ABAT: variants seen among roughly 807,000 people sequenced by gnomAD.
ABAT encodes the protein 4-aminobutyrate aminotransferase.
In ABAT, 45 loss-of-function variants were observed where a neutral mutation model predicts 64.6. That is an observed-to-expected ratio of 0.70 (90% CI 0.55 to 0.89). The LOEUF (loss-of-function observed/expected upper bound fraction) is 0.89, where lower values mean the gene tolerates loss of function less well. Among genes scored for constraint, ABAT ranks in the 40% least tolerant of loss-of-function variants. The pLI is 0.00. For synonymous variants in ABAT, 297 were observed against 250.5 expected, an observed-to-expected ratio of 1.19 and a Z score of -1.75; for missense variants, 633 against 658.4, an observed-to-expected ratio of 0.96 and a Z score of 0.42.
At chr16:8,683,509 C>T (rs552572271) in intron 1 of ABAT, 66 of 150,172 alleles carry the variant, frequency 4.4e-4, no homozygotes, top group African/African-American at 1.5e-3. Flanking sequence ...CTGTAAATAG[C>T]TACTGCACTC....
At chr16:8,773,149 T>C (rs1273419) in intron 12 of ABAT, among the ~76,000 whole-genome samples, 38,526 of 100,548 alleles carry the variant, frequency 0.38, 6,423 homozygotes, top group Non-Finnish European at 0.47. Context: ...CACACACACA[T>C]ATATATATAT....
At chr16:8,777,406 G>C (rs187063223) in intron 14 of ABAT, among the ~76,000 whole-genome samples, 5 of 152,164 alleles carry the variant, frequency 3.3e-5, no homozygotes, top group Admixed American at 3.3e-4. Context: ...AATGGCTCCT[G>C]GAGCTCCAGC....
intron 1 of ABAT, among the ~76,000 whole-genome samples, chr16:8,732,664 C>T (rs974259699): frequency 6.6e-6 from 1 of 151,576 alleles, no homozygotes; most frequent in African/African-American, 2.4e-5. Context: ...TCAATCTTTT[C>T]CCCACCTTTC....
Position 8,781,271 on chromosome 16 carries a change from A to G in ABAT, c.1382-38A>G. ...CCAGCTCTCCCAGCATGTGACTTTG[A>G]GAAACCACGCTCCTCACCTACCTCC... On this transcript the variant is annotated intron_variant, in intron 15 of 15. Coordinates refer to ENST00000268251, the MANE Select transcript of ABAT (RefSeq NM_020686.6). This position sits in a 1 kb window ranked among gnomAD's most constrained non-coding sequence, Gnocchi z 4.5. 1 of 1,613,534 alleles carries G rather than the reference A, an allele frequency of 6.2e-7. No homozygotes were observed. Among genetic ancestry groups the G allele is most frequent in the Non-Finnish European group, 8.5e-7 (1 of 1,179,882 alleles).
chr16:8,705,908 G>C (rs1225247802), intron 1 of ABAT, among the ~76,000 whole-genome samples: 2 of 152,172 alleles, frequency 1.3e-5, no homozygotes, highest in African/African-American at 4.8e-5. Context: ...GGTGCCCTTG[G>C]ATTATGAATT....
At chr16:8,709,350 T>TTTTATTTA (rs149223193) in intron 1 of ABAT, among the ~76,000 whole-genome samples, 2,983 of 149,224 alleles carry the variant, frequency 0.02, 93 homozygotes, top group African/African-American at 0.068. Context: ...TGACTCACAT[T>TTTTATTTA]TTTATTTATT....
Position 8,733,585 on chromosome 16 carries a change from C to A in ABAT, c.-41-2114C>A, listed in dbSNP as rs1199312410. Among the ~76,000 whole-genome samples the A allele has an allele frequency of 2.0e-5, 3 of 151,940 alleles. 1 individual carries two copies. Among genetic ancestry groups the A allele is most frequent in the African/African-American group, 7.3e-5 (3 of 41,162 alleles). ...GAGACTCCGTCTGTAATCCCGGCAC[C>A]TCGGGAGGCCGAGGCTGGCGGATCA... On this transcript the variant is annotated intron_variant, in intron 1 of 15. Transcript: ENST00000268251.
At chr16:8,715,407 C>T (rs1242284502) in intron 1 of ABAT, 4 of 151,950 alleles carry the variant, frequency 2.6e-5, no homozygotes, top group African/African-American at 9.7e-5. Flanking sequence ...CACTTGAAGT[C>T]AAGAGTTAGA....
chr16:8,772,947 GCCATTGGGTTTT>G lies in ABAT; in HGVS notation c.954+32_954+43del, dbSNP rs760387717. On this transcript the variant is annotated intron_variant, in intron 12 of 15. Coordinates refer to ENST00000268251, the MANE Select transcript of ABAT (RefSeq NM_020686.6). The stretch of plus-strand genomic sequence containing the variant: ...GTGGACAGGGCCGAGGTTGGATGGA[GCCATTGGGTTTT>G]CTGGGTTGAGTTCCCCGAGTAACGG... The G allele has an allele frequency of 4.8e-5, 77 of 1,612,414 alleles. No individual in the cohort carries two copies. The African/African-American group carries it at 7.0e-4, about 15-fold the overall frequency.
intron 5 of ABAT, among the ~76,000 whole-genome samples, chr16:8,755,488 G>A (rs2059623224): frequency 6.6e-6 from 1 of 152,232 alleles, no homozygotes; most frequent in Non-Finnish European, 1.5e-5. Flanking sequence ...GAGGTCGGCT[G>A]CTGAGTTCTT....
chr16:8,726,778 T>C (rs928377325), intron 1 of ABAT, among the ~76,000 whole-genome samples: 2 of 152,184 alleles, frequency 1.3e-5, no homozygotes, highest in South Asian at 2.1e-4. Flanking sequence ...CTGTTCTCCA[T>C]AGTGGTTGTA....
At chr16:8,742,121 T>C (rs1465319) in intron 2 of ABAT, among the ~76,000 whole-genome samples, 141,555 of 152,280 alleles carry the variant, frequency 0.93, 66,678 homozygotes, top group East Asian at 1. Context: ...TCCTGGCTTG[T>C]GCCCCATAGC....
At chr16:8,769,618 G>GA (rs1355084367) in intron 11 of ABAT, among the ~76,000 whole-genome samples, 2 of 150,864 alleles carry the variant, frequency 1.3e-5, no homozygotes, top group South Asian at 2.1e-4. Flanking sequence ...TATCCCACAG[G>GA]AAAAAATGGT....
At chr16:8,760,550 T>C (rs1641019) in intron 6 of ABAT, 49,644 of 152,144 alleles carry the variant, frequency 0.33, 8,391 homozygotes, top group South Asian at 0.46. Context: ...TAGGAGCTGC[T>C]GTATAGGGAA....
rs561877442 is a variant in ABAT at position 8,757,620 on chromosome 16, A to G, written c.317-137A>G. On this transcript the variant is annotated intron_variant, in intron 5 of 15. Transcript: ENST00000268251. ...GGGGCCCCAGGAATCTCTTTTTGTCAACAAAGGATAAAAGACCCTTTGGTT... is the reference window on the plus strand; with the variant it reads ...GGGGCCCCAGGAATCTCTTTTTGTCGACAAAGGATAAAAGACCCTTTGGTT... The G allele has an allele frequency of 2.8e-4, 272 of 982,970 alleles. 2 individuals carry two copies. In the South Asian group the frequency reaches 3.7e-3, roughly 13 times the overall value. The allele number at this position is 982,970 out of a possible 1,614,324, so 60.9% of individuals were successfully genotyped here. A position where few individuals can be genotyped will look rare whatever the true frequency, so the allele number is the denominator to read the frequency against.
intron 6 of ABAT, among the ~76,000 whole-genome samples, chr16:8,763,477 G>T (rs1395516439): frequency 6.6e-6 from 1 of 152,356 alleles, no homozygotes; most frequent in South Asian, 2.1e-4. Context: ...TCTGCCCTTA[G>T]GGTGTCCTAT....
Position 8,776,223 on chromosome 16 carries a change from G to A in ABAT, c.1123-121G>A, listed in dbSNP as rs1482366278. On this transcript the variant is annotated intron_variant, in intron 13 of 15. Coordinates refer to ENST00000268251, the MANE Select transcript of ABAT (RefSeq NM_020686.6). The surrounding 1 kb of genome is among the most constrained non-coding windows in gnomAD (Gnocchi z 4.4). ...GGGTGTGTTCCCCTGCCAGCCTCTG[G>A]TAGATGCCCACTAGATTAGTTTCTC... The A allele has an allele frequency of 6.5e-6, 9 of 1,384,010 alleles. No individual in the cohort carries two copies. Among genetic ancestry groups the A allele is most frequent in the Non-Finnish European group, 9.1e-6 (9 of 985,772 alleles). The allele number at this position is 1,384,010 out of a possible 1,614,324, so 85.7% of individuals were successfully genotyped here.
At chr16:8,724,687 C>G (rs1174504114) in intron 1 of ABAT, among the ~76,000 whole-genome samples, 1 of 128,806 alleles carries the variant, frequency 7.8e-6, no homozygotes, top group African/African-American at 2.8e-5. Flanking sequence ...TGAGATGGCA[C>G]CACTCCACTC....
chr16:8,753,762 G>C (rs2059560244), intron 5 of ABAT, among the ~76,000 whole-genome samples: 1 of 152,184 alleles, frequency 6.6e-6, no homozygotes, highest in Non-Finnish European at 1.5e-5. Flanking sequence ...GGATGGGGGA[G>C]TGCCAGGGAT....
Sources: allele counts gnomAD v4.1 joint callset (sites outside exome capture counted in the v4.1 genomes callset), GRCh38; gene constraint gnomAD v4.1.1; non-coding constraint Gnocchi (gnomAD v3.1); transcripts MANE v1.5; gene names NCBI Gene and HGNC (gene_info 2026-07-23, HGNC 2026-07-21).